Variants in ZBTB37 observed in about 807,000 individuals in gnomAD.
ZBTB37 encodes the protein zinc finger and BTB domain-containing protein 37.
ZBTB37 carries 15 observed loss-of-function variants against 37.7 expected under a neutral mutation model. The ratio of observed to expected loss-of-function variants is 0.40; its 90% CI spans 0.27 to 0.61. ZBTB37 has a LOEUF of 0.61. ZBTB37 is among the 20% of genes least tolerant of loss of function. The pLI is 0.44. For missense variants in ZBTB37, 514 were observed against 641.9 expected, an observed-to-expected ratio of 0.80 and a Z score of 2.15; for synonymous variants, 231 against 220.6, an observed-to-expected ratio of 1.05 and a Z score of -0.42.
chr1:173,893,115 C>G (rs1389336685), exon 4 of ZBTB37: 1 of 152,252 alleles, frequency 6.6e-6, no homozygotes, highest in Non-Finnish European at 1.5e-5. Flanking sequence ...GTTGGCCAGG[C>G]TGGTCGTGAA....
chr1:173,888,829 A>C (rs556989165), downstream of ZBTB37: 1 of 152,234 alleles, frequency 6.6e-6, no homozygotes, highest in Non-Finnish European at 1.5e-5. Context: ...GAAGTGCAGT[A>C]ATTTCTGTAA....
exon 3 of ZBTB37, chr1:173,870,422 T>C: frequency 6.2e-7 from 1 of 1,614,236 alleles, no homozygotes; most frequent in Non-Finnish European, 8.5e-7. Flanking sequence ...TTGAATGAGA[T>C]GAGTACAGTC....
At chr1:173,898,746 A>G (rs1657150699) in exon 4 of ZBTB37, 2 of 152,160 alleles carry the variant, frequency 1.3e-5, no homozygotes, top group African/African-American at 4.8e-5. Flanking sequence ...GTAGCACTCA[A>G]TTTATTTTCT....
intron 3 of ZBTB37, 142 bp downstream of exon 3, chr1:173,871,290 C>T (rs1655544607): frequency 3.7e-6 from 3 of 802,696 alleles, no homozygotes; most frequent in Non-Finnish European, 3.8e-6. Context: ...TGGAGGTGTG[C>T]CAAAAGACTT....
chr1:173,900,302 C>A (rs1657207182), exon 4 of ZBTB37: 1 of 152,120 alleles, frequency 6.6e-6, no homozygotes. Flanking sequence ...ATTTTAGGAT[C>A]TTTCTTCTGG....
At chr1:173,871,549 C>A (rs1207797670) in intron 3 of ZBTB37, among the ~76,000 whole-genome samples, 1 of 152,216 alleles carries the variant, frequency 6.6e-6, no homozygotes, top group Non-Finnish European at 1.5e-5. Flanking sequence ...GTCTCACTTT[C>A]CTTTGTAGCA....
At chr1:173,878,591 GA>G (rs1442036348) in intron 4 of ZBTB37, among the ~76,000 whole-genome samples, 2 of 152,180 alleles carry the variant, frequency 1.3e-5, no homozygotes, top group Non-Finnish European at 2.9e-5. Context: ...ATAAGGGGAA[GA>G]GACCAGGAAA....
intron 3 of ZBTB37, 33 bp from the exon 4 acceptor site, chr1:173,873,434 G>T: frequency 1.3e-6 from 2 of 1,567,504 alleles, no homozygotes; most frequent in Non-Finnish European, 1.7e-6. Flanking sequence ...TGCTGCTTTT[G>T]TATTAGTCCC....
intron 4 of ZBTB37, among the ~76,000 whole-genome samples, chr1:173,875,331 T>TATA (rs367970109): frequency 0.09 from 11,856 of 131,734 alleles, 562 homozygotes; most frequent in Middle Eastern, 0.17. Flanking sequence ...TATATATATA[T>TATA]TTTTTTTTTT....
chr1:173,871,144 G>T, exon 3 of ZBTB37: 1 of 1,594,262 alleles, frequency 6.3e-7, no homozygotes, highest in South Asian at 1.1e-5. Context: ...CAGTGAAGTT[G>T]ACAGGTAGGT....
chr1:173,885,733 C>T, exon 5 of ZBTB37: 5 of 1,551,736 alleles, frequency 3.2e-6, no homozygotes, highest in African/African-American at 1.4e-5. Context: ...CCTCGTCTCA[C>T]CTGCATCTAT....
exon 3 of ZBTB37, chr1:173,870,271 A>T: frequency 6.2e-7 from 1 of 1,614,120 alleles, no homozygotes; most frequent in Non-Finnish European, 8.5e-7. Context: ...TGACTTCAGC[A>T]ACTCTGTCCT....
intron 2 of ZBTB37, among the ~76,000 whole-genome samples, chr1:173,869,331 AGTTGAAACTGTACTTTCAACTATCTT>A (rs11271139): frequency 0.09 from 13,765 of 152,226 alleles, 2,013 homozygotes; most frequent in African/African-American, 0.31. Flanking sequence ...TATTTTCAGT[AGTTGAAACTGTACTTTCAACTATCTT>A]GTATACAGCT....
chr1:173,871,466 C>T (rs992545855), intron 3 of ZBTB37, among the ~76,000 whole-genome samples: 5 of 152,138 alleles, frequency 3.3e-5, no homozygotes, highest in South Asian at 4.1e-4. Context: ...GGCAGGGAGC[C>T]GATCATCAGC....
At chr1:173,873,328 C>T (rs957720799) in intron 3 of ZBTB37, 139 bp from the exon 4 acceptor site, 2 of 807,244 alleles carry the variant, frequency 2.5e-6, no homozygotes, top group South Asian at 2.3e-5. Context: ...ATTAACTCCA[C>T]AAAACTATTC....
In ZBTB37 at chr1:173,875,116, ATGTGTGTGTGTGTG is replaced by A. The variant is rs71111072; in HGVS notation, c.1023+1581_1023+1594del. On this transcript the variant is annotated intron_variant, in intron 4 of 4. Coordinates refer to ENST00000427304, the Ensembl canonical transcript of ZBTB37. ...ACCTGGAATCGAAAGTCTGATTATT[ATGTGTGTGTGTGTG>A]TGTGTGTGTGTGTGTGTGTGTGTGT... 7.4e-3 allele frequency among the ~76,000 whole-genome samples: 1,014 copies of A among 137,102 alleles called. 19 individuals are homozygous for A. Among genetic ancestry groups the A allele is most frequent in the African/African-American group, 0.022 (814 of 37,708 alleles). 89.9% of individuals were successfully genotyped at this position (137,102 alleles called of 152,430 possible).
In ZBTB37 at chr1:173,876,475, G is replaced by A. The variant is rs368599307; in HGVS notation, c.1023+2909G>A. ...TGGGACTACAGGTGCATGCTACCACGCCCAGCTAATTTTTGTATTTTTAGT... is the reference window on the plus strand; with the variant it reads ...TGGGACTACAGGTGCATGCTACCACACCCAGCTAATTTTTGTATTTTTAGT... On this transcript the variant is annotated intron_variant, in intron 4 of 4. Coordinates refer to ENST00000427304, the Ensembl canonical transcript of ZBTB37. 1.6e-4 allele frequency among the ~76,000 whole-genome samples: 24 copies of A among 152,006 alleles called. No individual in the cohort carries two copies. The East Asian group carries it at 3.1e-3, about 20-fold the overall frequency.
At chr1:173,886,079 TGGG>T (rs1225268730) in exon 5 of ZBTB37, 1 of 1,551,432 alleles carries the variant, frequency 6.4e-7, no homozygotes, top group Non-Finnish European at 8.7e-7. Context: ...CAGTTGCTCC[TGGG>T]GAAGCTGTCC....
chr1:173,893,507 C>G, exon 4 of ZBTB37: 1 of 152,178 alleles, frequency 6.6e-6, no homozygotes, highest in Middle Eastern at 3.2e-3. Context: ...CCTAAGCCCA[C>G]TTGGTTGGCG....
Sources: allele counts gnomAD v4.1 joint callset (sites outside exome capture counted in the v4.1 genomes callset), GRCh38; gene constraint gnomAD v4.1.1; transcripts MANE v1.5; gene names NCBI Gene and HGNC (gene_info 2026-07-23, HGNC 2026-07-21).